The following ZDHHC17 variants were observed in gnomAD, a reference collection of about 807,000 sequenced individuals.
The protein encoded by ZDHHC17 is zDHHC palmitoyltransferase 17.
ZDHHC17 carries 40 observed loss-of-function variants against 90.3 expected under a neutral mutation model. That is an observed-to-expected ratio of 0.44 (90% CI 0.34 to 0.58). The LOEUF (loss-of-function observed/expected upper bound fraction) is 0.58. Among genes scored for constraint, ZDHHC17 ranks in the 20% least tolerant of loss-of-function variants. The pLI, the probability that ZDHHC17 is intolerant of heterozygous loss-of-function variation, is 0.01. For synonymous variants in ZDHHC17, 235 were observed against 252.4 expected (o/e 0.93, Z 0.65); for missense variants, 614 against 780.8 (o/e 0.79, Z 2.55).
intron 1 of ZDHHC17, among the ~76,000 whole-genome samples, chr12:76,794,572 T>C (rs1952797134): frequency 6.6e-6 from 1 of 152,224 alleles, no homozygotes; most frequent in African/African-American, 2.4e-5. Context: ...GAGATATGTT[T>C]AGTTAAAGGC....
In ZDHHC17 at chr12:76,825,901, C is replaced by T. The variant is rs561105337; in HGVS notation, c.898-1007C>T. On this transcript the variant is annotated intron_variant, in intron 8 of 16. Transcript: ENST00000426126. ...GGCTCACGACAGCCTTGACCCTTGA[C>T]TTCCCTGGGCTCAGGTAATCCTCCC... Among the ~76,000 whole-genome samples, 20 of 152,198 alleles carry T rather than the reference C, an allele frequency of 1.3e-4. 1 individual carries two copies. The South Asian group carries it at 4.1e-3, about 32-fold the overall frequency.
At chr12:76,849,152 A>G (rs1953530704) in intron 15 of ZDHHC17, among the ~76,000 whole-genome samples, 1 of 146,316 alleles carries the variant, frequency 6.8e-6, no homozygotes, top group South Asian at 2.2e-4. Context: ...CCCAACAAAA[A>G]AAAGAAAATT....
intron 10 of ZDHHC17, among the ~76,000 whole-genome samples, chr12:76,837,459 C>T (rs1036636882): frequency 2.0e-5 from 3 of 152,120 alleles, no homozygotes; most frequent in Admixed American, 1.3e-4. Flanking sequence ...TATGCCACTG[C>T]ACTCTGGCCT....
intron 15 of ZDHHC17, 47 bp from the exon 16 acceptor site, chr12:76,849,329 A>G (rs1953535626): frequency 1.6e-5 from 16 of 1,013,688 alleles, no homozygotes; most frequent in Non-Finnish European, 2.3e-5. Context: ...GTCTCAAAAA[A>G]AAAAAAAAAA....
intron 3 of ZDHHC17, among the ~76,000 whole-genome samples, chr12:76,806,470 G>T (rs1592477878): frequency 6.6e-6 from 1 of 152,060 alleles, no homozygotes; most frequent in Non-Finnish European, 1.5e-5. Context: ...GGACCAGAGG[G>T]TTTAAATGAA....
At chr12:76,821,457 T>C (rs1230446355) in intron 7 of ZDHHC17, among the ~76,000 whole-genome samples, 2 of 152,134 alleles carry the variant, frequency 1.3e-5, no homozygotes, top group Admixed American at 1.3e-4. Context: ...CCCTCATAAA[T>C]AAGGCACCCC....
chr12:76,815,986 A>T lies in ZDHHC17; in HGVS notation c.738A>T (p.Glu246Asp), dbSNP rs752653960. 9 of 1,566,548 alleles carry T rather than the reference A, an allele frequency of 5.7e-6. No homozygotes were observed. The South Asian group carries it at 8.4e-5, about 15-fold the overall frequency. The change falls in exon 7 of 17, where the codon GAA becomes GAT. Residue 246 changes from glutamate to aspartate, a missense_variant. By Grantham distance (45) the Glu-to-Asp change is conservative. Transcript: ENST00000426126. ...GNTTVISLLL[E>D]AGANVDAQNI... ...CCACAGTCATTAGCCTTCTTCTGGA[A>T]GCTGGAGCTAATGTTGATGCCCAGA...
At position 76,848,375 on chromosome 12, in the gene ZDHHC17, G is replaced by T. The variant is rs780575733; in HGVS notation, c.1650G>T (p.Met550Ile). 1.9e-6 allele frequency: 3 copies of T among 1,613,840 alleles called. No individual in the cohort carries two copies. Among genetic ancestry groups the T allele is most frequent in the Non-Finnish European group, 2.5e-6 (3 of 1,179,798 alleles). ...FHFMWVAVLL[M>I]CQMYQISCLG... Reference sequence around the variant, plus strand: ...TCATGTGGGTGGCTGTATTACTCATGTGTCAGATGTACCAGGTATGTGCAA... The same window carrying T: ...TCATGTGGGTGGCTGTATTACTCATTTGTCAGATGTACCAGGTATGTGCAA... Residue 550 changes from methionine to isoleucine, a missense_variant, in exon 15 of 17, where the codon ATG (methionine) becomes ATT (isoleucine). Physicochemically the swap from Met to Ile is conservative, Grantham distance 10. Around this residue, in one of 5 missense-constraint regions of ZDHHC17, gnomAD observed 111 missense variants for 179.8 expected, o/e 0.62. Transcript: ENST00000426126.
intron 1 of ZDHHC17, among the ~76,000 whole-genome samples, chr12:76,768,857 C>T (rs1313557497): frequency 1.3e-5 from 2 of 152,264 alleles, no homozygotes; most frequent in South Asian, 4.2e-4. Context: ...GCTTTCATCT[C>T]TTTCTTTCTT....
intron 1 of ZDHHC17, among the ~76,000 whole-genome samples, chr12:76,775,213 A>G (rs563997019): frequency 2.2e-4 from 34 of 152,310 alleles, no homozygotes; most frequent in African/African-American, 7.9e-4. Flanking sequence ...TTGATTACTG[A>G]TTGTTTTCTG....
intron 8 of ZDHHC17, among the ~76,000 whole-genome samples, chr12:76,826,050 C>T (rs961007126): frequency 3.9e-5 from 6 of 152,104 alleles, no homozygotes; most frequent in Non-Finnish European, 8.8e-5. Context: ...AACTCTTGGG[C>T]TCAAGCGATT....
At chr12:76,830,439 A>G (rs1315358894) in intron 10 of ZDHHC17, among the ~76,000 whole-genome samples, 1 of 148,940 alleles carries the variant, frequency 6.7e-6, no homozygotes, top group African/African-American at 2.5e-5. Context: ...TAGTACCTTT[A>G]AATATTTTCT....
chr12:76,774,264 G>GTGTGTGTGTGTATGTGTA (rs1555179824), intron 1 of ZDHHC17, among the ~76,000 whole-genome samples: 4 of 149,668 alleles, frequency 2.7e-5, no homozygotes, highest in Non-Finnish European at 1.5e-5. Flanking sequence ...TAAAGAATGT[G>GTGTGTGTGTGTATGTGTA]TGTGTATGTG....
At position 76,849,118 on chromosome 12, in the gene ZDHHC17, TA is replaced by T. The variant is rs1035048447; in HGVS notation, c.1666-235del. On this transcript the variant is annotated intron_variant, in intron 15 of 16. Coordinates refer to ENST00000426126, the MANE Select transcript of ZDHHC17 (RefSeq NM_015336.4). Reference sequence around the variant, plus strand: ...GGGCAACATGGTTAAACCCTATCTCTAAAAAAAAAAAAAAAAAAAAAAACCC... The same window carrying T: ...GGGCAACATGGTTAAACCCTATCTCTAAAAAAAAAAAAAAAAAAAAAACCC... Among the ~76,000 whole-genome samples, 311 of 48,458 alleles carry T rather than the reference TA, an allele frequency of 6.4e-3. 2 individuals are homozygous for T. The highest frequency in any genetic ancestry group is 0.017 in the African/African-American group (224 of 12,920). The allele number at this position is 48,458 out of a possible 152,430, so 31.8% of individuals were successfully genotyped here. A position where few individuals can be genotyped will look rare whatever the true frequency, so the allele number is the denominator to read the frequency against.
intron 3 of ZDHHC17, among the ~76,000 whole-genome samples, chr12:76,808,353 G>A (rs1952978527): frequency 6.6e-6 from 1 of 152,154 alleles, no homozygotes; most frequent in African/African-American, 2.4e-5. Context: ...TATGACAGCA[G>A]GGTGCGGCCG....
At chr12:76,807,503 G>T (rs1592478586) in intron 3 of ZDHHC17, among the ~76,000 whole-genome samples, 1 of 152,240 alleles carries the variant, frequency 6.6e-6, no homozygotes, top group Non-Finnish European at 1.5e-5. Context: ...TCAAGATTAA[G>T]AATTGTGCAA....
At chr12:76,803,650 A>G (rs1439266683) in intron 2 of ZDHHC17, among the ~76,000 whole-genome samples, 2 of 152,230 alleles carry the variant, frequency 1.3e-5, no homozygotes, top group African/African-American at 4.8e-5. Flanking sequence ...ATTCCATAAG[A>G]TAACCATAAA....
At chr12:76,816,648 C>G (rs1352712427) in intron 7 of ZDHHC17, among the ~76,000 whole-genome samples, 1 of 151,928 alleles carries the variant, frequency 6.6e-6, no homozygotes, top group Non-Finnish European at 1.5e-5. Context: ...AGGACACATA[C>G]TAATCTGAAA....
chr12:76,844,294 A>T (rs1845133339), intron 12 of ZDHHC17: 1 of 152,188 alleles, frequency 6.6e-6, no homozygotes, highest in South Asian at 2.1e-4. Flanking sequence ...GTTGTAAAGA[A>T]GATTTCCTAT....
Sources: gnomAD v4.1 joint callset for allele counts (sites outside exome capture counted in the v4.1 genomes callset) on GRCh38, gnomAD v4.1.1 for gene constraint, gnomAD v4.1.1 regional missense constraint, MANE v1.5 for transcripts, NCBI Gene and HGNC (gene_info 2026-07-23, HGNC 2026-07-21) for gene names.